TMCO6: variants seen among roughly 807,000 people sequenced by gnomAD.
TMCO6 encodes the protein transmembrane and coiled-coil domains 6.
Under a neutral mutation model 61.8 loss-of-function variants are expected in TMCO6, and 47 were observed. The ratio of observed to expected loss-of-function variants is 0.76; its 90% CI spans 0.60 to 0.97. The LOEUF (loss-of-function observed/expected upper bound fraction) is 0.97, where lower values mean the gene tolerates loss of function less well. Ranked by LOEUF, TMCO6 falls within the 50% of genes least tolerant of loss-of-function variation. The probability of loss-of-function intolerance (pLI) is 0.00; values close to 1 mark genes in which losing one functional copy is unlikely to be tolerated. For missense variants in TMCO6, 557 were observed against 601.6 expected (o/e 0.93, Z 0.78); for synonymous variants, 261 against 254.2 (o/e 1.03, Z -0.25).
At position 140,644,722 on chromosome 5, in the gene TMCO6, G is replaced by C. The variant is rs893186483; in HGVS notation, c.1350G>C (p.Leu450=). ...VGQSLELLHL[L]FLYQPEAVQV... ...AGAGTTTGGAGCTGCTGCATCTGCT[G>C]TTCCTGTATCAGCCAGAGGTATAGG... The change falls in exon 11 of 12, where the codon CTG becomes CTC. Residue 450 remains leucine (L), a synonymous_variant. Coordinates refer to ENST00000394671, the MANE Select transcript of TMCO6 (RefSeq NM_018502.5). The C allele has an allele frequency of 6.2e-7, 1 of 1,614,230 alleles. No homozygotes were observed. The highest frequency in any genetic ancestry group is 1.3e-5 in the African/African-American group (1 of 75,056).
chr5:140,647,355 T>C, downstream of TMCO6: 2 of 1,609,932 alleles, frequency 1.2e-6, no homozygotes, highest in Non-Finnish European at 1.7e-6. Context: ...CGTTTCTCAA[T>C]GAAGTCCCTG....
the TMCO6 span, among the ~76,000 whole-genome samples, chr5:140,617,741 A>G: frequency 2.1e-5 from 3 of 140,522 alleles, no homozygotes; most frequent in South Asian, 6.6e-4. Context: ...CAAAAAAAAA[A>G]AAAAAAACTC....
the TMCO6 span, among the ~76,000 whole-genome samples, chr5:140,600,135 A>C: frequency 2.6e-5 from 4 of 152,194 alleles, no homozygotes; most frequent in East Asian, 1.9e-4. Context: ...ATCATCCAAA[A>C]TGTTATGGGT....
At chr5:140,638,440 A>G (rs1756829691), upstream of TMCO6, among the ~76,000 whole-genome samples, 1 of 152,184 alleles carries the variant, frequency 6.6e-6, no homozygotes, top group African/African-American at 2.4e-5. Flanking sequence ...AACGAAGGCA[A>G]AAAGGAGAAA....
chr5:140,640,810 C>T (rs898883178), intron 2 of TMCO6, among the ~76,000 whole-genome samples: 2 of 152,162 alleles, frequency 1.3e-5, no homozygotes, highest in Non-Finnish European at 2.9e-5. Flanking sequence ...CATTGAAAAC[C>T]CGGTTGCCTG....
In TMCO6 at chr5:140,644,185, GA is replaced by G; in HGVS notation, c.1192del (p.Ser398AlafsTer2). 1 of 1,614,132 alleles carries G rather than the reference GA, an allele frequency of 6.2e-7. No homozygotes were observed. The highest frequency in any genetic ancestry group is 1.3e-5 in the African/African-American group (1 of 75,030). ...LQLLPVSNVV[S>X]VMVLTVLCNV... ...AGCTGTTGCCAGTATCTAACGTGGTGAGCGTAATGGTATGTATTGGGGTTAC... is the reference window on the plus strand; with the variant it reads ...AGCTGTTGCCAGTATCTAACGTGGTGGCGTAATGGTATGTATTGGGGTTAC... On this transcript the variant is annotated frameshift_variant, in exon 10 of 12. Coordinates refer to ENST00000394671, the MANE Select transcript of TMCO6 (RefSeq NM_018502.5). LOFTEE classifies it high-confidence loss of function.
chr5:140,628,018 T>C, the TMCO6 span, among the ~76,000 whole-genome samples: 1 of 151,850 alleles, frequency 6.6e-6, no homozygotes, highest in Admixed American at 6.6e-5. Context: ...TATCTTTTTT[T>C]TTTTTTTGAG....
At chr5:140,633,326 G>A in the TMCO6 span, 7 of 610,210 alleles carry the variant, frequency 1.1e-5, no homozygotes, top group Non-Finnish European at 2.1e-5. Flanking sequence ...GTTTCAGGGA[G>A]GGGGACCGTA....
chr5:140,604,374 A>G, the TMCO6 span, among the ~76,000 whole-genome samples: 20 of 152,160 alleles, frequency 1.3e-4, no homozygotes, highest in African/African-American at 4.3e-4. Flanking sequence ...AGACTGGGCA[A>G]CACAGTGAGA....
the TMCO6 span, among the ~76,000 whole-genome samples, chr5:140,617,255 G>A: frequency 3.3e-5 from 5 of 151,974 alleles, no homozygotes; most frequent in Admixed American, 2.0e-4. Context: ...GTGAAACCCC[G>A]TCTCTACTAA....
the TMCO6 span, among the ~76,000 whole-genome samples, chr5:140,599,918 T>TAAAAA: frequency 8.9e-6 from 1 of 112,994 alleles, no homozygotes; most frequent in Non-Finnish European, 1.8e-5. Flanking sequence ...AAATAAAATA[T>TAAAAA]AAAATAAAAT....
chr5:140,610,916 T>C, the TMCO6 span, among the ~76,000 whole-genome samples: 1 of 152,216 alleles, frequency 6.6e-6, no homozygotes, highest in South Asian at 2.1e-4. Context: ...TGAGTGTTTT[T>C]TCGTGAGAGG....
At chr5:140,598,316 G>A in the TMCO6 span, among the ~76,000 whole-genome samples, 64 of 151,390 alleles carry the variant, frequency 4.2e-4, no homozygotes, top group African/African-American at 1.3e-3. Flanking sequence ...TGATCCTCCC[G>A]CCTCGTCCTC....
Position 140,645,339 on chromosome 5 carries a change from C to G in TMCO6, c.*241C>G. On this transcript the variant is annotated 3_prime_UTR_variant, in exon 12 of 12. Coordinates refer to ENST00000394671, the MANE Select transcript of TMCO6 (RefSeq NM_018502.5). ...CTAGAATCCCTGCCCCCCCGCCACCCTTCATGTTTGCTTCAGCAGCTGGTA... is the reference window on the plus strand; with the variant it reads ...CTAGAATCCCTGCCCCCCCGCCACCGTTCATGTTTGCTTCAGCAGCTGGTA... 1.3e-6 allele frequency: 1 copy of G among 743,874 alleles called. No individual in the cohort carries two copies. The highest frequency in any genetic ancestry group is 2.3e-6 in the Non-Finnish European group (1 of 427,610). 46.1% of individuals were successfully genotyped at this position (743,874 alleles called of 1,614,324 possible).
the TMCO6 span, chr5:140,633,097 A>G: frequency 6.2e-7 from 1 of 1,613,892 alleles, no homozygotes; most frequent in South Asian, 1.1e-5. Flanking sequence ...CGAACCTCTG[A>G]GCTCCGGACA....
At chr5:140,625,411 C>A in the TMCO6 span, among the ~76,000 whole-genome samples, 1 of 152,158 alleles carries the variant, frequency 6.6e-6, no homozygotes, top group Non-Finnish European at 1.5e-5. Flanking sequence ...CTTCCAGGGC[C>A]TTTGTACTGG....
At chr5:140,605,595 G>A in the TMCO6 span, among the ~76,000 whole-genome samples, 1 of 151,820 alleles carries the variant, frequency 6.6e-6, no homozygotes, top group Admixed American at 6.6e-5. Flanking sequence ...CAGGAGAATC[G>A]CTTGCATCCA....
downstream of TMCO6, chr5:140,645,786 A>G: frequency 6.5e-7 from 1 of 1,534,458 alleles, no homozygotes; most frequent in Non-Finnish European, 8.9e-7. Context: ...CAGGAAGAGT[A>G]TTAAAGAGAT....
chr5:140,626,043 C>T, the TMCO6 span, among the ~76,000 whole-genome samples: 2 of 152,176 alleles, frequency 1.3e-5, no homozygotes, highest in African/African-American at 4.8e-5. Context: ...TCTCTTCTTT[C>T]TCCCCTCCTG....
Sources: gnomAD v4.1 joint callset for allele counts (sites outside exome capture counted in the v4.1 genomes callset) on GRCh38, gnomAD v4.1.1 for gene constraint, MANE v1.5 for transcripts, NCBI Gene and HGNC (gene_info 2026-07-23, HGNC 2026-07-21) for gene names.